The following PMM1 variants were observed in gnomAD, a reference collection of about 807,000 sequenced individuals.
PMM1 encodes brain glucose-1,6-bisphosphatase.
In PMM1, 25 loss-of-function variants were observed where a neutral mutation model predicts 34.0. The observed-to-expected ratio is 0.73, with a 90% confidence interval of 0.54 to 1.03. The LOEUF (loss-of-function observed/expected upper bound fraction) is 1.03. Ranked by LOEUF, PMM1 falls within the 50% of genes least tolerant of loss-of-function variation. The pLI, the probability that PMM1 is intolerant of heterozygous loss-of-function variation, is 0.00. For synonymous variants in PMM1, 134 were observed against 143.9 expected (o/e 0.93, Z 0.49); for missense variants, 321 against 350.1 (o/e 0.92, Z 0.66).
rs914157471 is a variant in PMM1 at position 41,586,511 on chromosome 22, G to A, written c.88-318C>T. 1.4e-5 allele frequency: 4 copies of A among 293,398 alleles called. No individual in the cohort carries two copies. In the Admixed American group the frequency reaches 2.3e-4, roughly 17 times the overall value. 18.2% of individuals were successfully genotyped at this position (293,398 alleles called of 1,614,324 possible). ...AATTTTTGTTCTGTCATCCAGGCTG[G>A]AGTGCAGTGGTGTGATTCTGGCTCA... is the stretch of plus-strand genomic sequence containing the variant. On this transcript the variant is annotated intron_variant, in intron 1 of 7. Transcript: ENST00000216259.
chr22:41,589,051 C>G (rs1477828312), intron 1 of PMM1: 2 of 1,291,786 alleles, frequency 1.5e-6, no homozygotes, highest in Admixed American at 4.6e-5. Flanking sequence ...TAGACTCTTA[C>G]CCTCACTATT....
intron 5 of PMM1, 122 bp downstream of exon 5, chr22:41,583,837 T>C: frequency 1.4e-6 from 1 of 703,078 alleles, no homozygotes. Context: ...AGTAGGTGCC[T>C]GAAAGGGTAT....
chr22:41,589,182 G>A (rs2067349872), intron 1 of PMM1: 1 of 1,210,134 alleles, frequency 8.3e-7, no homozygotes, highest in Non-Finnish European at 1.1e-6. Context: ...GGAAGGTAAA[G>A]TGGGTGATGG....
chr22:41,583,206 G>A (rs1328174999), intron 5 of PMM1, among the ~76,000 whole-genome samples: 2 of 152,110 alleles, frequency 1.3e-5, no homozygotes, highest in South Asian at 2.1e-4. Flanking sequence ...TGGGCTGTGC[G>A]TGGTGGCTCA....
chr22:41,579,126 C>A, intron 5 of PMM1: 1 of 504,916 alleles, frequency 2.0e-6, no homozygotes, highest in Non-Finnish European at 3.6e-6. Flanking sequence ...GCTGGGTCTT[C>A]TGAAGGAGAC....
intron 5 of PMM1, among the ~76,000 whole-genome samples, chr22:41,583,394 A>G (rs1036800784): frequency 2.0e-5 from 3 of 152,190 alleles, no homozygotes; most frequent in African/African-American, 7.2e-5. Context: ...AGGCAGGAGA[A>G]TCGCTTGAAC....
At chr22:41,577,634 A>G in intron 7 of PMM1, 174 bp downstream of exon 7, 1 of 776,058 alleles carries the variant, frequency 1.3e-6, no homozygotes, top group Non-Finnish European at 2.1e-6. Flanking sequence ...CAGCTTTCCA[A>G]TCTGTGTAAC....
At position 41,576,950 on chromosome 22, in the gene PMM1, T is replaced by C. The variant is rs888682270; in HGVS notation, c.*368A>G. On this transcript the variant is annotated 3_prime_UTR_variant, in exon 8 of 8. Coordinates refer to ENST00000216259, the MANE Select transcript of PMM1 (RefSeq NM_002676.3). ...GACAAAGTTCTCTAAAATAGGCACC[T>C]TCCCCACCGTACCTCATCGCCCAGG... The C allele has an allele frequency of 1.4e-5, 5 of 345,684 alleles. No individual in the cohort carries two copies. The highest frequency in any genetic ancestry group is 4.2e-5 in the Admixed American group (1 of 23,630). The allele number at this position is 345,684 out of a possible 1,614,324, so 21.4% of individuals were successfully genotyped here.
chr22:41,579,291 C>T, intron 5 of PMM1: 1 of 195,952 alleles, frequency 5.1e-6, no homozygotes, highest in Non-Finnish European at 1.1e-5. Context: ...GAGCAGGAGA[C>T]CTGTGAGGAG....
In PMM1 at chr22:41,589,010, C is replaced by T. The variant is rs373158248; in HGVS notation, c.87+709G>A. On this transcript the variant is annotated intron_variant, in intron 1 of 7. Coordinates refer to ENST00000216259, the MANE Select transcript of PMM1 (RefSeq NM_002676.3). ...AGAAAAACTGAGCAGAGGTAAGAGGCTCAACACAGCGAGAGTCTTTAGAAG... is the reference window on the plus strand; with the variant it reads ...AGAAAAACTGAGCAGAGGTAAGAGGTTCAACACAGCGAGAGTCTTTAGAAG... The T allele has an allele frequency of 1.2e-5, 15 of 1,209,474 alleles. 1 individual carries two copies. The East Asian group carries it at 8.5e-4, about 69-fold the overall frequency. 74.9% of individuals were successfully genotyped at this position (1,209,474 alleles called of 1,614,324 possible).
intron 4 of PMM1, 27 bp from the exon 5 acceptor site, chr22:41,584,085 A>G (rs985225208): frequency 2.6e-6 from 4 of 1,548,316 alleles, no homozygotes; most frequent in African/African-American, 1.4e-5. Flanking sequence ...GCGGGGAGCC[A>G]GAGAGAACCA....
rs770052672 is a variant in PMM1 at position 41,584,544 on chromosome 22, G to A, written c.265C>T (p.Arg89Ter). 29 of 1,613,654 alleles carry A rather than the reference G, an allele frequency of 1.8e-5. No individual in the cohort carries two copies. Among genetic ancestry groups the A allele is most frequent in the Admixed American group, 1.0e-4 (6 of 59,972 alleles). ...ENGTVQYKHG[R>*]LLSKQTIQNH... ...ACACTGACCTGCTTGGAGAGCAGTC[G>A]TCCGTGCTTATACTGCACCGTCCCG... The change falls in exon 3 of 8, where the codon CGA becomes TGA. Residue 89 changes from arginine to a stop codon, truncating the protein, a stop_gained. Coordinates refer to ENST00000216259, the MANE Select transcript of PMM1 (RefSeq NM_002676.3). LOFTEE classifies it high-confidence loss of function.
chr22:41,584,099 C>G (rs774161265), intron 4 of PMM1, 41 bp from the exon 5 acceptor site: 1 of 1,499,182 alleles, frequency 6.7e-7, no homozygotes, highest in East Asian at 2.3e-5. Context: ...AGAACCAGAA[C>G]GGCCCTGAAT....
At chr22:41,582,527 C>T (rs547617713) in intron 5 of PMM1, among the ~76,000 whole-genome samples, 3 of 152,198 alleles carry the variant, frequency 2.0e-5, no homozygotes, top group South Asian at 2.1e-4. Flanking sequence ...GAGAACAAGC[C>T]GCAGAAATCC....
At chr22:41,577,586 T>C in intron 7 of PMM1, 146 bp from the exon 8 acceptor site, 1 of 989,732 alleles carries the variant, frequency 1.0e-6, no homozygotes, top group South Asian at 1.5e-5. Context: ...CCTGACTTGC[T>C]GTGTGATGTA....
intron 5 of PMM1, among the ~76,000 whole-genome samples, chr22:41,581,651 C>T (rs1049075395): frequency 2.0e-5 from 3 of 151,822 alleles, no homozygotes; most frequent in Non-Finnish European, 4.4e-5. Context: ...CTCAGGAGTT[C>T]GAGACCAGCC....
Position 41,577,137 on chromosome 22 carries a change from T to C in PMM1, c.*181A>G. ...CTGGGCCCTGGGAGGACGAAGCCAG[T>C]GCCACTAGGAGCAGACTGGCTGGGG... On this transcript the variant is annotated 3_prime_UTR_variant, in exon 8 of 8. Transcript: ENST00000216259. 1 of 769,578 alleles carries C rather than the reference T, an allele frequency of 1.3e-6. No individual in the cohort carries two copies. The highest frequency in any genetic ancestry group is 2.2e-6 in the Non-Finnish European group (1 of 463,486). The allele number at this position is 769,578 out of a possible 1,614,324, so 47.7% of individuals were successfully genotyped here.
rs1378350512 is a variant in PMM1, at chr22:41,580,301, T to G, written c.475-1420A>C. 3 of 152,388 alleles carry G rather than the reference T, an allele frequency of 2.0e-5. No individual in the cohort carries two copies. The Middle Eastern group carries it at 0.01, about 515-fold the overall frequency. The allele number at this position is 152,388 out of a possible 1,614,324, so 9.4% of individuals were successfully genotyped here. Reference sequence around the variant, plus strand: ...AGATGAGCTGGGTTAAGCATTTATTTACACCAGCTCTGGGCCAGGGCAGGG... The same window carrying G: ...AGATGAGCTGGGTTAAGCATTTATTGACACCAGCTCTGGGCCAGGGCAGGG... On this transcript the variant is annotated intron_variant, in intron 5 of 7. Coordinates refer to ENST00000216259, the MANE Select transcript of PMM1 (RefSeq NM_002676.3).
intron 2 of PMM1, among the ~76,000 whole-genome samples, chr22:41,585,873 C>A (rs965184287): frequency 6.6e-6 from 1 of 152,202 alleles, no homozygotes; most frequent in African/African-American, 2.4e-5. Context: ...GCAGGTTCTG[C>A]TTGCTTTGCC....
Sources: gnomAD v4.1 joint callset for allele counts (sites outside exome capture counted in the v4.1 genomes callset) on GRCh38, gnomAD v4.1.1 for gene constraint, MANE v1.5 for transcripts, NCBI Gene and HGNC (gene_info 2026-07-23, HGNC 2026-07-21) for gene names.